The following GAS2 variants were observed in gnomAD, a reference collection of about 807,000 sequenced individuals.
GAS2 encodes growth arrest specific 2.
Under a neutral mutation model 37.5 loss-of-function variants are expected in GAS2, and 20 were observed. That is an observed-to-expected ratio of 0.53 (90% confidence interval 0.37 to 0.77). GAS2 has a LOEUF of 0.77. Ranked by LOEUF, GAS2 falls within the 30% of genes least tolerant of loss-of-function variation. The pLI, the probability that GAS2 is intolerant of heterozygous loss-of-function variation, is 0.00. For missense variants in GAS2, 336 were observed against 373.4 expected, an observed-to-expected ratio of 0.90 and a Z score of 0.82; for synonymous variants, 144 against 132.2, an observed-to-expected ratio of 1.09 and a Z score of -0.61.
chr11:22,790,601 T>A (rs2134569445), intron 7 of GAS2, among the ~76,000 whole-genome samples: 1 of 150,710 alleles, frequency 6.6e-6, no homozygotes, highest in East Asian at 2.0e-4. Flanking sequence ...TTTTTTTTTT[T>A]TTTTTTTTGA....
At position 22,749,102 on chromosome 11, in the gene GAS2, T is replaced by C. The variant is rs1211050125; in HGVS notation, c.474-18T>C. 1 of 1,603,172 alleles carries C rather than the reference T, an allele frequency of 6.2e-7. No individual in the cohort carries two copies. Among genetic ancestry groups the C allele is most frequent in the South Asian group, 1.1e-5 (1 of 89,374 alleles). On this transcript the variant is annotated intron_variant, in intron 5 of 7. Transcript: ENST00000454584. ...ATTATAAGTTATGCATATGTAATGA[T>C]CCAGGGTCTTTTTAAAGGTATGGTG...
chr11:22,742,126 A>G (rs988097415), intron 5 of GAS2, among the ~76,000 whole-genome samples: 1 of 152,102 alleles, frequency 6.6e-6, no homozygotes. Context: ...TTTAAAAAAA[A>G]ATGAGACAAA....
intron 7 of GAS2, among the ~76,000 whole-genome samples, chr11:22,796,891 T>C (rs907633528): frequency 7.2e-5 from 11 of 152,120 alleles, no homozygotes; most frequent in Non-Finnish European, 4.4e-5. Flanking sequence ...CTTTGCTCCA[T>C]GGAGCCCAGC....
At position 22,790,360 on chromosome 11, in the gene GAS2, TA is replaced by T. The variant is rs540487527; in HGVS notation, c.724-21430del. Among the ~76,000 whole-genome samples, 59 of 152,028 alleles carry T rather than the reference TA, an allele frequency of 3.9e-4. No homozygotes were observed. In the South Asian group the frequency reaches 0.012, roughly 30 times the overall value. On this transcript the variant is annotated intron_variant, in intron 7 of 7. Coordinates refer to ENST00000454584, the MANE Select transcript of GAS2 (RefSeq NM_001143830.3). ...ATGTACCCTAAAACTTAAAGTATAA[TA>T]AAAAAAATAGTGAACTACTCAGTGC...
intron 7 of GAS2, among the ~76,000 whole-genome samples, chr11:22,788,747 G>A (rs1024237131): frequency 6.6e-6 from 1 of 152,098 alleles, no homozygotes; most frequent in Non-Finnish European, 1.5e-5. Flanking sequence ...ATAGTCAGTA[G>A]TATAAGTTTG....
intron 1 of GAS2, among the ~76,000 whole-genome samples, chr11:22,628,630 A>G (rs1858697218): frequency 6.6e-6 from 1 of 152,078 alleles, no homozygotes; most frequent in Admixed American, 6.6e-5. Context: ...TTGCTTTAAC[A>G]GAATTTTTTT....
At chr11:22,647,862 A>G (rs1590567369) in intron 1 of GAS2, among the ~76,000 whole-genome samples, 2 of 151,912 alleles carry the variant, frequency 1.3e-5, no homozygotes, top group Admixed American at 6.6e-5. Flanking sequence ...ATTTTCTCCC[A>G]TTTTGTGGGT....
chr11:22,638,750 T>C (rs1590557069), intron 1 of GAS2, among the ~76,000 whole-genome samples: 1 of 152,172 alleles, frequency 6.6e-6, no homozygotes, highest in East Asian at 1.9e-4. Context: ...AACAATATTA[T>C]ATTCAAGGAC....
At chr11:22,769,779 C>G (rs1427145741) in intron 7 of GAS2, among the ~76,000 whole-genome samples, 2 of 152,160 alleles carry the variant, frequency 1.3e-5, no homozygotes, top group Admixed American at 6.5e-5. Flanking sequence ...TTGAGTTAAC[C>G]TCTCTAATTG....
intron 1 of GAS2, among the ~76,000 whole-genome samples, chr11:22,671,435 C>G (rs1849196381): frequency 6.6e-6 from 1 of 152,014 alleles, no homozygotes; most frequent in Admixed American, 6.6e-5. Context: ...ACTTATCAAG[C>G]TTTTAAAATA....
At chr11:22,724,730 A>C (rs1343726070) in intron 3 of GAS2, among the ~76,000 whole-genome samples, 2 of 152,088 alleles carry the variant, frequency 1.3e-5, no homozygotes, top group Non-Finnish European at 2.9e-5. Context: ...GATTATATCT[A>C]TCCTAAATCA....
intron 3 of GAS2, among the ~76,000 whole-genome samples, chr11:22,714,959 G>A (rs906721333): frequency 2.0e-5 from 3 of 151,990 alleles, no homozygotes; most frequent in Non-Finnish European, 4.4e-5. Context: ...AGGAACTAGA[G>A]AAACAAGAAT....
intron 1 of GAS2, among the ~76,000 whole-genome samples, chr11:22,638,446 A>G (rs1858868296): frequency 6.6e-6 from 1 of 151,738 alleles, no homozygotes; most frequent in African/African-American, 2.4e-5. Context: ...CCCAGGTTCA[A>G]GCGATTCTCC....
At chr11:22,809,123 T>C (rs898744017) in intron 7 of GAS2, among the ~76,000 whole-genome samples, 3 of 152,100 alleles carry the variant, frequency 2.0e-5, no homozygotes, top group Non-Finnish European at 4.4e-5. Flanking sequence ...AACAACATGG[T>C]ACTGTGACCG....
chr11:22,746,984 C>A (rs1354503696), intron 5 of GAS2, among the ~76,000 whole-genome samples: 1 of 152,036 alleles, frequency 6.6e-6, no homozygotes, highest in Admixed American at 6.6e-5. Flanking sequence ...GCAAGGTAAC[C>A]AGATGCTGTC....
At chr11:22,627,120 A>G (rs372530494) in intron 1 of GAS2, among the ~76,000 whole-genome samples, 2 of 152,234 alleles carry the variant, frequency 1.3e-5, no homozygotes, top group African/African-American at 4.8e-5. Flanking sequence ...AGTTATCTCA[A>G]ACTCTTACTT....
At chr11:22,681,378 G>A (rs1458242461) in intron 2 of GAS2, among the ~76,000 whole-genome samples, 2 of 152,096 alleles carry the variant, frequency 1.3e-5, no homozygotes, top group Non-Finnish European at 2.9e-5. Flanking sequence ...CAAATTTCCT[G>A]ATTTTGATCT....
rs779693373 is a variant in GAS2 at position 22,755,886 on chromosome 11, A to T, written c.656A>T (p.Asn219Ile). The T allele has an allele frequency of 1.2e-6, 2 of 1,613,166 alleles. No homozygotes were observed. The highest frequency in any genetic ancestry group is 1.7e-6 in the Non-Finnish European group (2 of 1,179,306). The change falls in exon 7 of 8, where the codon AAC (asparagine) becomes ATC (isoleucine). Residue 219 changes from asparagine (N) to isoleucine (I), a missense_variant. By Grantham distance (149) the Asn-to-Ile change is moderately radical. Transcript: ENST00000454584. ...GAAGATCCTCCTTGCAAATGCCCAA[A>T]CAAGTTCTGTGTGGAGCGGCTCTCC... Reference protein sequence around the residue: ...ISEDPPCKCPNKFCVERLSQG... With the variant: ...ISEDPPCKCPIKFCVERLSQG...
At chr11:22,651,582 A>G (rs1325093902) in intron 1 of GAS2, among the ~76,000 whole-genome samples, 1 of 152,152 alleles carries the variant, frequency 6.6e-6, no homozygotes, top group African/African-American at 2.4e-5. Context: ...TGGTCTTTCC[A>G]CATAGTCCCA....
Sources: gnomAD v4.1 joint callset for allele counts (sites outside exome capture counted in the v4.1 genomes callset) on GRCh38, gnomAD v4.1.1 for gene constraint, MANE v1.5 for transcripts, NCBI Gene and HGNC (gene_info 2026-07-23, HGNC 2026-07-21) for gene names.